GPC5: variants seen among roughly 807,000 people sequenced by gnomAD.
GPC5 encodes glypican-5.
In GPC5, 47 loss-of-function variants were observed where a neutral mutation model predicts 53.9. The observed-to-expected ratio is 0.87, with a 90% CI of 0.69 to 1.11. The LOEUF is 1.11. Ranked by LOEUF, GPC5 falls within the 50% of genes most tolerant of loss-of-function variation. The probability of loss-of-function intolerance (pLI) is 0.00; values close to 1 mark genes in which losing one functional copy is unlikely to be tolerated. For missense variants in GPC5, 748 were observed against 713.1 expected (o/e 1.05, Z -0.56); for synonymous variants, 286 against 263.3 (o/e 1.09, Z -0.84).
intron 7 of GPC5, among the ~76,000 whole-genome samples, chr13:92,208,675 A>G (rs2042354442): frequency 6.6e-6 from 1 of 152,248 alleles, no homozygotes; most frequent in South Asian, 2.1e-4. Context: ...GGAATTTTTC[A>G]TAAAGATGAA....
intron 7 of GPC5, among the ~76,000 whole-genome samples, chr13:92,754,565 G>T (rs1874769804): frequency 6.6e-6 from 1 of 151,488 alleles, no homozygotes; most frequent in Admixed American, 6.6e-5. Flanking sequence ...ACCCAACAGT[G>T]TGCTGTATTC....
intron 6 of GPC5, among the ~76,000 whole-genome samples, chr13:92,106,432 GA>G (rs2041510700): frequency 6.6e-6 from 1 of 152,048 alleles, no homozygotes; most frequent in Admixed American, 6.6e-5. Context: ...TGGATATGAT[GA>G]GTGCTGAACT....
At chr13:92,216,414 C>G (rs2042410532) in intron 7 of GPC5, among the ~76,000 whole-genome samples, 1 of 152,062 alleles carries the variant, frequency 6.6e-6, no homozygotes, top group Non-Finnish European at 1.5e-5. Flanking sequence ...CTCCAACTGA[C>G]TAAAGTTAGG....
chr13:92,084,941 T>C (rs897834462), intron 6 of GPC5, among the ~76,000 whole-genome samples: 2 of 152,216 alleles, frequency 1.3e-5, no homozygotes, highest in African/African-American at 2.4e-5. Context: ...TTGTTTGAGA[T>C]GAGATGTCAG....
At chr13:91,753,751 C>A (rs138867035) in intron 4 of GPC5, among the ~76,000 whole-genome samples, 176 of 152,246 alleles carry the variant, frequency 1.2e-3, no homozygotes, top group African/African-American at 4.1e-3. Flanking sequence ...GCATACTACC[C>A]GTATTTTCTT....
At chr13:92,334,570 C>T (rs894912438) in intron 7 of GPC5, among the ~76,000 whole-genome samples, 2 of 152,110 alleles carry the variant, frequency 1.3e-5, no homozygotes, top group Admixed American at 6.5e-5. Context: ...TTAAATCATT[C>T]CAGCATTAAC....
intron 7 of GPC5, among the ~76,000 whole-genome samples, chr13:92,262,792 T>G (rs2042775812): frequency 6.6e-6 from 1 of 152,178 alleles, no homozygotes; most frequent in African/African-American, 2.4e-5. Context: ...AATATGCTTC[T>G]TGCAAAGTCT....
intron 7 of GPC5, among the ~76,000 whole-genome samples, chr13:92,378,786 A>AT (rs1165978642): frequency 2.0e-5 from 3 of 152,138 alleles, no homozygotes; most frequent in Admixed American, 1.3e-4. Flanking sequence ...GCACTGGGAT[A>AT]TTTTTTCCCA....
chr13:92,113,114 A>T (rs112792139), intron 6 of GPC5, among the ~76,000 whole-genome samples: 3,850 of 152,184 alleles, frequency 0.025, 161 homozygotes, highest in African/African-American at 0.089. Context: ...AAATAATTTT[A>T]CTTCTCTTTT....
chr13:91,581,891 C>T (rs2032376502), intron 2 of GPC5, among the ~76,000 whole-genome samples: 1 of 152,110 alleles, frequency 6.6e-6, no homozygotes, highest in African/African-American at 2.4e-5. Context: ...GTTAGGAAAT[C>T]TCCAAAACAT....
At chr13:92,724,797 T>C (rs571331032) in intron 7 of GPC5, among the ~76,000 whole-genome samples, 87 of 151,364 alleles carry the variant, frequency 5.7e-4, no homozygotes, top group African/African-American at 1.9e-3. Flanking sequence ...CTGTACAAGA[T>C]GGTGACTATA....
At position 91,915,883 on chromosome 13, in the gene GPC5, A is replaced by T. The variant is rs568141363; in HGVS notation, c.1401+7826A>T. Among the ~76,000 whole-genome samples, 3 of 152,324 alleles carry T rather than the reference A, an allele frequency of 2.0e-5. No individual in the cohort carries two copies. The East Asian group carries it at 5.8e-4, about 29-fold the overall frequency. On this transcript the variant is annotated intron_variant, in intron 6 of 7. Coordinates refer to ENST00000377067, the MANE Select transcript of GPC5 (RefSeq NM_004466.6). ...ATTTAAACAACTAGGATAAGTGAGG[A>T]AAATAATATTTTTGACAATTACTAG... is the stretch of plus-strand genomic sequence containing the variant.
chr13:92,794,740 A>G (rs138323008), intron 7 of GPC5, among the ~76,000 whole-genome samples: 4,249 of 152,162 alleles, frequency 0.028, 181 homozygotes, highest in African/African-American at 0.097. Flanking sequence ...TACACCAAAA[A>G]CAGATAAACA....
intron 6 of GPC5, among the ~76,000 whole-genome samples, chr13:91,941,419 T>G (rs1440500548): frequency 6.6e-6 from 1 of 152,158 alleles, no homozygotes; most frequent in South Asian, 2.1e-4. Context: ...GGTATTACCC[T>G]GTCTCTATCT....
intron 7 of GPC5, among the ~76,000 whole-genome samples, chr13:92,387,556 TG>T (rs1206254840): frequency 5.3e-5 from 8 of 152,066 alleles, no homozygotes; most frequent in Admixed American, 5.2e-4. Context: ...GGTTTAATGT[TG>T]CGTCAAAAGA....
At chr13:92,472,373 T>C (rs1878947251) in intron 7 of GPC5, among the ~76,000 whole-genome samples, 1 of 152,094 alleles carries the variant, frequency 6.6e-6, no homozygotes. Flanking sequence ...CTGGAGATTG[T>C]AGTCTAGTAA....
At chr13:92,440,551 G>T (rs552113940) in intron 7 of GPC5, among the ~76,000 whole-genome samples, 1 of 152,214 alleles carries the variant, frequency 6.6e-6, no homozygotes, top group South Asian at 2.1e-4. Context: ...GAACAGTGTG[G>T]CAATGAACAT....
chr13:91,863,570 A>C (rs9589363), intron 5 of GPC5, among the ~76,000 whole-genome samples: 3,878 of 151,928 alleles, frequency 0.026, 133 homozygotes, highest in Admixed American at 0.071. Context: ...TTCTCTCTCT[A>C]TATATATTTT....
intron 7 of GPC5, among the ~76,000 whole-genome samples, chr13:92,785,271 A>G (rs1977380): frequency 0.27 from 41,090 of 151,986 alleles, 6,777 homozygotes; most frequent in East Asian, 0.67. Flanking sequence ...ACAAGACTCT[A>G]TCTCAAAAAA....
Sources: allele counts gnomAD v4.1 joint callset (sites outside exome capture counted in the v4.1 genomes callset), GRCh38; gene constraint gnomAD v4.1.1; transcripts MANE v1.5; gene names NCBI Gene and HGNC (gene_info 2026-07-23, HGNC 2026-07-21).